LRFN5: variants seen among roughly 807,000 people sequenced by gnomAD.
The protein encoded by LRFN5 is leucine-rich repeat and fibronectin type-III domain-containing protein 5.
LRFN5 carries 24 observed loss-of-function variants against 45.6 expected under a neutral mutation model. The ratio of observed to expected loss-of-function variants is 0.53; its 90% CI spans 0.38 to 0.74. The LOEUF (loss-of-function observed/expected upper bound fraction) is 0.74, where lower values mean the gene tolerates loss of function less well. LRFN5 is among the 30% of genes least tolerant of loss of function. The pLI, the probability that LRFN5 is intolerant of heterozygous loss-of-function variation, is 0.00. For synonymous variants in LRFN5, 340 were observed against 313.8 expected, an observed-to-expected ratio of 1.08 and a Z score of -0.88; for missense variants, 776 against 861.5, an observed-to-expected ratio of 0.90 and a Z score of 1.24.
At chr14:41,612,789 G>A (rs545508373) in intron 1 of LRFN5, among the ~76,000 whole-genome samples, 2 of 152,084 alleles carry the variant, frequency 1.3e-5, no homozygotes, top group South Asian at 2.1e-4. Flanking sequence ...CCAGTTAGAG[G>A]TGAACCATTT....
chr14:41,744,039 C>G (rs1393463571), intron 1 of LRFN5, among the ~76,000 whole-genome samples: 1 of 152,018 alleles, frequency 6.6e-6, no homozygotes, highest in Non-Finnish European at 1.5e-5. Flanking sequence ...AAATAAAATA[C>G]TAAAGAATAT....
chr14:41,833,027 A>T (rs189957024), intron 2 of LRFN5, among the ~76,000 whole-genome samples: 45 of 152,286 alleles, frequency 3.0e-4, no homozygotes, highest in African/African-American at 1.1e-3. Flanking sequence ...ACCTGTGACC[A>T]GGTAGCTGGC....
rs527753880 is a variant in LRFN5 at position 41,796,841 on chromosome 14, C to G, written c.-21+29812C>G. ...CCTAAATATTTTTTCAACTAGCTGT[C>G]GAAGATAATAATTCTTTAGTATTTT... On this transcript the variant is annotated intron_variant, in intron 2 of 5. Coordinates refer to ENST00000298119, the MANE Select transcript of LRFN5 (RefSeq NM_152447.5). Among the ~76,000 whole-genome samples the G allele has an allele frequency of 1.6e-4, 24 of 151,742 alleles. 1 individual carries two copies. The East Asian group carries it at 3.1e-3, about 20-fold the overall frequency.
intron 4 of LRFN5, chr14:41,893,975 T>C: frequency 1.0e-6 from 1 of 984,958 alleles, no homozygotes; most frequent in Non-Finnish European, 1.2e-6. Flanking sequence ...GTACTATTAA[T>C]GTAGTAATGC....
chr14:41,778,478 G>C (rs566741709), intron 2 of LRFN5, among the ~76,000 whole-genome samples: 1 of 151,504 alleles, frequency 6.6e-6, no homozygotes, highest in African/African-American at 2.4e-5. Context: ...GATTATCGTT[G>C]GTTTCTATAC....
chr14:41,806,048 G>A (rs1274949056), intron 2 of LRFN5, among the ~76,000 whole-genome samples: 1 of 152,088 alleles, frequency 6.6e-6, no homozygotes, highest in Non-Finnish European at 1.5e-5. Flanking sequence ...CTAGCCCCTG[G>A]CAGCCATCTC....
intron 1 of LRFN5, among the ~76,000 whole-genome samples, chr14:41,642,683 A>T (rs987054352): frequency 1.4e-4 from 22 of 152,220 alleles, no homozygotes; most frequent in African/African-American, 4.8e-4. Flanking sequence ...GATCAAATGA[A>T]GACTGCCAGC....
rs539151256 is a variant in LRFN5 at position 41,843,086 on chromosome 14, CT to C, written c.-20-43503del. The stretch of plus-strand genomic sequence containing the variant: ...ATTTTCGTTTTTCTTTTTGTCTTTT[CT>C]TTTTTTTTTTTTTTTTAATACTGAG... On this transcript the variant is annotated intron_variant, in intron 2 of 5. Coordinates refer to ENST00000298119, the MANE Select transcript of LRFN5 (RefSeq NM_152447.5). Among the ~76,000 whole-genome samples, 771 of 118,256 alleles carry C rather than the reference CT, an allele frequency of 6.5e-3. 2 individuals are homozygous for C. Among genetic ancestry groups the C allele is most frequent in the African/African-American group, 0.015 (475 of 32,278 alleles). 77.6% of individuals were successfully genotyped at this position (118,256 alleles called of 152,430 possible).
At chr14:41,732,854 G>A (rs1403896437) in intron 1 of LRFN5, among the ~76,000 whole-genome samples, 5 of 151,698 alleles carry the variant, frequency 3.3e-5, no homozygotes, top group African/African-American at 1.2e-4. Context: ...ACAATTATAT[G>A]TGAACAAAGT....
chr14:41,712,131 C>G (rs1597044), intron 1 of LRFN5, among the ~76,000 whole-genome samples: 84,814 of 152,028 alleles, frequency 0.56, 24,513 homozygotes, highest in East Asian at 0.95. Context: ...AAGACTGAGA[C>G]ACATGAGGGA....
At chr14:41,880,545 T>A (rs1431166368) in intron 2 of LRFN5, among the ~76,000 whole-genome samples, 1 of 152,180 alleles carries the variant, frequency 6.6e-6, no homozygotes, top group East Asian at 1.9e-4. Context: ...TCATTTCAAT[T>A]TAATAGTCTT....
intron 2 of LRFN5, among the ~76,000 whole-genome samples, chr14:41,830,359 C>T (rs1304154250): frequency 2.0e-5 from 3 of 151,948 alleles, no homozygotes; most frequent in African/African-American, 7.3e-5. Context: ...AAATATGATC[C>T]TTAAAAGTCA....
At chr14:41,781,332 G>A (rs1348822445) in intron 2 of LRFN5, among the ~76,000 whole-genome samples, 12 of 151,760 alleles carry the variant, frequency 7.9e-5, no homozygotes, top group Admixed American at 7.9e-4. Context: ...AACCAGCCTG[G>A]GCAATGTAGT....
intron 2 of LRFN5, among the ~76,000 whole-genome samples, chr14:41,856,676 T>TTA (rs556475186): frequency 4.3e-4 from 3 of 6,984 alleles, no homozygotes; most frequent in Non-Finnish European, 1.2e-3. Flanking sequence ...ATTATTATTA[T>TTA]TTTTTTTTTT....
chr14:41,861,640 A>G (rs1889665509), intron 2 of LRFN5, among the ~76,000 whole-genome samples: 1 of 152,084 alleles, frequency 6.6e-6, no homozygotes, highest in Non-Finnish European at 1.5e-5. Flanking sequence ...ATGCTTGCAT[A>G]GTAGTAGTGA....
intron 1 of LRFN5, among the ~76,000 whole-genome samples, chr14:41,663,487 T>C (rs1880751821): frequency 6.6e-6 from 1 of 152,068 alleles, no homozygotes; most frequent in Non-Finnish European, 1.5e-5. Flanking sequence ...CTATATTTAC[T>C]ATGAACCCTT....
At chr14:41,627,319 G>A (rs1308666868) in intron 1 of LRFN5, among the ~76,000 whole-genome samples, 3 of 152,136 alleles carry the variant, frequency 2.0e-5, no homozygotes, top group East Asian at 1.9e-4. Flanking sequence ...CCTCTCAGGA[G>A]GTTATTTCTG....
intron 1 of LRFN5, among the ~76,000 whole-genome samples, chr14:41,659,896 T>TG (rs200571370): frequency 0.018 from 2,766 of 151,850 alleles, 76 homozygotes; most frequent in African/African-American, 0.063. Flanking sequence ...TTTGATGTTT[T>TG]TTTTTTTTTT....
intron 2 of LRFN5, among the ~76,000 whole-genome samples, chr14:41,817,291 G>A (rs2139004764): frequency 6.6e-6 from 1 of 151,996 alleles, no homozygotes; most frequent in East Asian, 1.9e-4. Flanking sequence ...TGCTTGCTCT[G>A]TCTCTTCATA....
Sources: allele counts gnomAD v4.1 joint callset (sites outside exome capture counted in the v4.1 genomes callset), GRCh38; gene constraint gnomAD v4.1.1; transcripts MANE v1.5; gene names NCBI Gene and HGNC (gene_info 2026-07-23, HGNC 2026-07-21).